SIPA1L2: variants seen among roughly 807,000 people sequenced by gnomAD.
The protein encoded by SIPA1L2 is signal induced proliferation associated 1 like 2.
SIPA1L2 carries 56 observed loss-of-function variants against 163.9 expected under a neutral mutation model. The ratio of observed to expected loss-of-function variants is 0.34; its 90% CI spans 0.28 to 0.43. The LOEUF (loss-of-function observed/expected upper bound fraction) is 0.43, where lower values mean the gene tolerates loss of function less well. Ranked by LOEUF, SIPA1L2 falls within the 20% of genes least tolerant of loss-of-function variation. SIPA1L2 has a pLI of 1.00. For synonymous variants in SIPA1L2, 877 were observed against 865.7 expected, an observed-to-expected ratio of 1.01 and a Z score of -0.23; for missense variants, 1,974 against 2,193.5, an observed-to-expected ratio of 0.90 and a Z score of 2.00.
rs779753520 is a variant in SIPA1L2 at position 232,445,708 on chromosome 1, G to A, written c.3174C>T (p.Thr1058=). 2 of 1,613,680 alleles carry A rather than the reference G, an allele frequency of 1.2e-6. No homozygotes were observed. Among genetic ancestry groups the A allele is most frequent in the Non-Finnish European group, 1.7e-6 (2 of 1,179,878 alleles). The change falls in exon 11 of 23, where the codon ACC becomes ACT. Residue 1058 remains threonine (T), a synonymous_variant. Coordinates refer to ENST00000674635, the MANE Select transcript of SIPA1L2 (RefSeq NM_020808.5). ...DSEGTPCEYK[T]PFRRNTTWHR... is the part of the protein sequence containing the mutation. ...GCCACGTGGTGTTCCTCCTGAAGGG[G>A]GTTTTATACTCGCAGGGGGTGCCCT...
At chr1:232,411,217 C>G (rs535894836) in intron 19 of SIPA1L2, among the ~76,000 whole-genome samples, 1 of 152,300 alleles carries the variant, frequency 6.6e-6, no homozygotes, top group Admixed American at 6.5e-5. Flanking sequence ...AGGACAGGGT[C>G]TCGTCTTGAC....
intron 2 of SIPA1L2, among the ~76,000 whole-genome samples, chr1:232,517,530 T>C (rs1051858609): frequency 3.3e-5 from 5 of 152,198 alleles, no homozygotes; most frequent in African/African-American, 4.8e-5. Flanking sequence ...ATATTAAAAC[T>C]AGGATTAGCG....
intron 18 of SIPA1L2, among the ~76,000 whole-genome samples, chr1:232,418,013 G>C (rs1312424277): frequency 2.6e-5 from 4 of 152,196 alleles, no homozygotes; most frequent in African/African-American, 9.6e-5. Flanking sequence ...TCTACAGAAA[G>C]TACATTCTGT....
chr1:232,587,805 C>T (rs774914294), intron 1 of SIPA1L2, among the ~76,000 whole-genome samples: 7 of 152,114 alleles, frequency 4.6e-5, no homozygotes, highest in African/African-American at 7.2e-5. Context: ...ACCATGGTGG[C>T]GGTTTCCCCC....
chr1:232,602,027 G>C (rs1573156389), intron 1 of SIPA1L2, among the ~76,000 whole-genome samples: 1 of 152,150 alleles, frequency 6.6e-6, no homozygotes, highest in East Asian at 1.9e-4. Context: ...CCATGCCCTT[G>C]AGAAAAGCCC....
At chr1:232,489,459 G>C (rs180760397) in intron 5 of SIPA1L2, among the ~76,000 whole-genome samples, 1 of 149,174 alleles carries the variant, frequency 6.7e-6, no homozygotes, top group African/African-American at 2.5e-5. Context: ...TGTGTATTAC[G>C]CAATTTAAAA....
Position 232,478,166 on chromosome 1 carries a change from A to G in SIPA1L2, c.2085+1461T>C, listed in dbSNP as rs1665142334. The stretch of plus-strand genomic sequence containing the variant: ...ATCCCTTAGGTTAAAATATACATAA[A>G]TACATACATGTGATCTAGTGATTTT... On this transcript the variant is annotated intron_variant, in intron 7 of 22. Coordinates refer to ENST00000674635, the MANE Select transcript of SIPA1L2 (RefSeq NM_020808.5). 3.3e-5 allele frequency among the ~76,000 whole-genome samples: 5 copies of G among 152,248 alleles called. No homozygotes were observed. In the South Asian group the frequency reaches 1.0e-3, roughly 31 times the overall value.
At chr1:232,611,034 A>G (rs1260859614) in intron 1 of SIPA1L2, among the ~76,000 whole-genome samples, 1 of 152,064 alleles carries the variant, frequency 6.6e-6, no homozygotes, top group Non-Finnish European at 1.5e-5. Flanking sequence ...AGTGGGAGAT[A>G]GTTTGAATCA....
intron 6 of SIPA1L2, among the ~76,000 whole-genome samples, chr1:232,482,444 A>G (rs1450588993): frequency 1.2e-5 from 1 of 81,840 alleles, no homozygotes; most frequent in Non-Finnish European, 2.7e-5. Context: ...GAGGAGTTTG[A>G]AAAAAAAAAA....
At chr1:232,628,762 A>G (rs1558314911) in intron 1 of SIPA1L2, among the ~76,000 whole-genome samples, 3 of 152,226 alleles carry the variant, frequency 2.0e-5, no homozygotes, top group Non-Finnish European at 4.4e-5. Context: ...TCAAATGGGC[A>G]GTTTACTAAA....
At chr1:232,422,086 G>C (rs1661609229) in intron 18 of SIPA1L2, among the ~76,000 whole-genome samples, 1 of 152,140 alleles carries the variant, frequency 6.6e-6, no homozygotes. Flanking sequence ...CCTGTGAACT[G>C]TGTGTTCAAA....
intron 6 of SIPA1L2, among the ~76,000 whole-genome samples, chr1:232,482,431 A>ATTT (rs1665408090): frequency 1.3e-5 from 2 of 148,344 alleles, no homozygotes; most frequent in African/African-American, 5.0e-5. Flanking sequence ...TGTTTGCAGA[A>ATTT]AAGAGGAGTT....
chr1:232,553,949 A>G (rs1658551455), intron 2 of SIPA1L2, among the ~76,000 whole-genome samples: 1 of 152,164 alleles, frequency 6.6e-6, no homozygotes, highest in South Asian at 2.1e-4. Context: ...TTTAAGCATT[A>G]AGAAGTTACC....
intron 1 of SIPA1L2, among the ~76,000 whole-genome samples, chr1:232,597,689 C>CAAAA (rs376123118): frequency 0.012 from 805 of 65,380 alleles, 66 homozygotes; most frequent in African/African-American, 0.043. Flanking sequence ...AACTCTGTCT[C>CAAAA]AAAAAAAAAA....
chr1:232,409,593 ACTT>A (rs1214013753), intron 19 of SIPA1L2, among the ~76,000 whole-genome samples: 4 of 152,218 alleles, frequency 2.6e-5, no homozygotes, highest in Admixed American at 6.5e-5. Context: ...ACATCACAGA[ACTT>A]CTGCTTTTGC....
At chr1:232,462,291 G>T in intron 9 of SIPA1L2, 1 of 1,549,964 alleles carries the variant, frequency 6.5e-7, no homozygotes, top group Non-Finnish European at 8.7e-7. Context: ...AAGTTGGGAG[G>T]TATCATACTC....
In SIPA1L2 at chr1:232,464,977, A is replaced by G. The variant is rs1017841983; in HGVS notation, c.2683T>C (p.Cys895Arg). 6.2e-7 allele frequency: 1 copy of G among 1,614,222 alleles called. No homozygotes were observed. Among genetic ancestry groups the G allele is most frequent in the African/African-American group, 1.3e-5 (1 of 75,042 alleles). The change falls in exon 9 of 23, where the codon TGT (cysteine) becomes CGT (arginine). Residue 895 changes from cysteine (C) to arginine (R), a missense_variant. This residue lies in a region of SIPA1L2 where 1,079 missense variants were observed against 1,150.7 expected (regional missense o/e 0.94). Transcript: ENST00000674635. ...EKDSKNVVFNCSCRDVIGWTS... is the reference protein window; with the variant it reads ...EKDSKNVVFNRSCRDVIGWTS... ...CACCCAATCACATCCCTGCAGGAAC[A>G]GTTGAATACAACATTCTTGGAATCC...
chr1:232,625,157 G>A (rs1182975703), intron 1 of SIPA1L2, among the ~76,000 whole-genome samples: 1 of 152,220 alleles, frequency 6.6e-6, no homozygotes, highest in Admixed American at 6.5e-5. Flanking sequence ...ATGTGGAAAG[G>A]TGGAGCTATA....
chr1:232,577,840 G>A lies in SIPA1L2; in HGVS notation c.-318-3618C>T, dbSNP rs186365256. ...AAGAAACTGGTTTCTTGAGATGGAG[G>A]TGAAGATGATATGAACATTGTTGCA... On this transcript the variant is annotated intron_variant, in intron 1 of 22. Coordinates refer to ENST00000674635, the MANE Select transcript of SIPA1L2 (RefSeq NM_020808.5). Among the ~76,000 whole-genome samples, 195 of 152,324 alleles carry A rather than the reference G, an allele frequency of 1.3e-3. 1 individual carries two copies. The highest frequency in any genetic ancestry group is 4.4e-3 in the African/African-American group (182 of 41,572).
Sources: allele counts gnomAD v4.1 joint callset (sites outside exome capture counted in the v4.1 genomes callset), GRCh38; gene constraint gnomAD v4.1.1; regional missense constraint gnomAD v4.1.1; transcripts MANE v1.5; gene names NCBI Gene and HGNC (gene_info 2026-07-23, HGNC 2026-07-21).